Variants in NR5A2 observed in about 807,000 individuals in gnomAD.
NR5A2 encodes the protein nuclear receptor subfamily 5 group A member 2.
A neutral mutation model predicts 62.7 loss-of-function variants in NR5A2; 26 were observed. The observed-to-expected ratio is 0.41, with a 90% CI of 0.30 to 0.58. The LOEUF is 0.58. Ranked by LOEUF, NR5A2 falls within the 20% of genes least tolerant of loss-of-function variation. NR5A2 has a pLI of 0.22. For missense variants in NR5A2, 541 were observed against 669.1 expected, an observed-to-expected ratio of 0.81 and a Z score of 2.11; for synonymous variants, 246 against 241.7, an observed-to-expected ratio of 1.02 and a Z score of -0.16.
At chr1:200,062,150 A>C (rs142913154) in intron 5 of NR5A2, among the ~76,000 whole-genome samples, 132 of 152,208 alleles carry the variant, frequency 8.7e-4, no homozygotes, top group African/African-American at 3.1e-3. Flanking sequence ...TCATACAGGC[A>C]CACTCATATT....
At chr1:200,132,305 C>T (rs2001814) in intron 7 of NR5A2, among the ~76,000 whole-genome samples, 68,883 of 151,986 alleles carry the variant, frequency 0.45, 16,074 homozygotes, top group Middle Eastern at 0.56. Flanking sequence ...CCAATGTGCC[C>T]GGCAAGAACT....
chr1:200,073,252 ATATATATATTCCCCTT>A lies in NR5A2; in HGVS notation c.1110+24444_1110+24459del, dbSNP rs1348270983. ...TTTACATACATATATATATATATAT[ATATATATATTCCCCTT>A]TATATATATATATATATATATATTC... is the stretch of plus-strand genomic sequence containing the variant. On this transcript the variant is annotated intron_variant, in intron 5 of 7. Coordinates refer to ENST00000367362, the MANE Select transcript of NR5A2 (RefSeq NM_205860.3). Among the ~76,000 whole-genome samples, 29 of 117,236 alleles carry A rather than the reference ATATATATATTCCCCTT, an allele frequency of 2.5e-4. 1 individual carries two copies. Among genetic ancestry groups the A allele is most frequent in the African/African-American group, 3.3e-4 (9 of 27,650 alleles). 76.9% of individuals were successfully genotyped at this position (117,236 alleles called of 152,430 possible).
At chr1:200,171,636 C>T (rs1485483605) in intron 7 of NR5A2, among the ~76,000 whole-genome samples, 1 of 152,144 alleles carries the variant, frequency 6.6e-6, no homozygotes. Context: ...GTAACCCCAG[C>T]TACTCAGGTG....
chr1:200,042,679 C>A, intron 2 of NR5A2: 1 of 351,764 alleles, frequency 2.8e-6, no homozygotes, highest in Non-Finnish European at 4.0e-6. Context: ...CGGGGGAGTG[C>A]GGGCAGGGTC....
intron 7 of NR5A2, among the ~76,000 whole-genome samples, chr1:200,132,856 C>T (rs1157300534): frequency 2.6e-5 from 4 of 152,182 alleles, no homozygotes; most frequent in Non-Finnish European, 1.5e-5. Flanking sequence ...CCAAGTTACC[C>T]AGATTTTGGA....
chr1:200,154,188 A>G (rs1462205232), intron 7 of NR5A2, among the ~76,000 whole-genome samples: 1 of 152,066 alleles, frequency 6.6e-6, no homozygotes, highest in East Asian at 1.9e-4. Flanking sequence ...CAATATATGT[A>G]CCTTTCAGGG....
intron 7 of NR5A2, among the ~76,000 whole-genome samples, chr1:200,141,774 G>A (rs2102345825): frequency 6.6e-6 from 1 of 152,288 alleles, no homozygotes; most frequent in East Asian, 1.9e-4. Context: ...AGATAGTTTA[G>A]GTGAATATAA....
At chr1:200,104,863 A>C (rs1665569287) in intron 5 of NR5A2, among the ~76,000 whole-genome samples, 1 of 152,232 alleles carries the variant, frequency 6.6e-6, no homozygotes, top group African/African-American at 2.4e-5. Flanking sequence ...GAATTTCACC[A>C]TGTTGGCCAG....
chr1:200,091,781 C>A (rs1664829811), intron 5 of NR5A2, among the ~76,000 whole-genome samples: 1 of 152,182 alleles, frequency 6.6e-6, no homozygotes, highest in Non-Finnish European at 1.5e-5. Context: ...CTGCACCTGG[C>A]CCCCTTTGCC....
At chr1:200,164,549 C>CTTT (rs35458399) in intron 7 of NR5A2, among the ~76,000 whole-genome samples, 2,694 of 139,576 alleles carry the variant, frequency 0.019, 60 homozygotes, top group Middle Eastern at 0.047. Flanking sequence ...TTTTAATAGA[C>CTTT]TTTTTTTTTT....
chr1:200,044,085 G>T lies in NR5A2; in HGVS notation c.321+193G>T, dbSNP rs2102155821. The T allele has an allele frequency of 1.1e-5, 5 of 446,908 alleles. No individual in the cohort carries two copies. The South Asian group carries it at 2.6e-4, about 23-fold the overall frequency. 27.7% of individuals were successfully genotyped at this position (446,908 alleles called of 1,614,324 possible). On this transcript the variant is annotated intron_variant, in intron 3 of 7. Coordinates refer to ENST00000367362, the MANE Select transcript of NR5A2 (RefSeq NM_205860.3). The stretch of plus-strand genomic sequence containing the variant: ...TAGTTCAAAAGGCAAAGAAATTTAT[G>T]CTGTTTAGAAAACTTTGCCAGTCTC...
At chr1:200,136,693 C>T (rs963176571) in intron 7 of NR5A2, among the ~76,000 whole-genome samples, 1 of 152,160 alleles carries the variant, frequency 6.6e-6, no homozygotes, top group Admixed American at 6.5e-5. Flanking sequence ...GATCAGAAGG[C>T]ACTATACCAG....
intron 6 of NR5A2, among the ~76,000 whole-genome samples, chr1:200,119,861 G>A (rs897415791): frequency 1.3e-5 from 2 of 151,856 alleles, no homozygotes; most frequent in Admixed American, 6.6e-5. Flanking sequence ...CGCCCACCTC[G>A]GCCTCCCAAA....
chr1:200,083,799 T>C (rs534307683), intron 5 of NR5A2, among the ~76,000 whole-genome samples: 6 of 151,978 alleles, frequency 3.9e-5, no homozygotes, highest in East Asian at 1.9e-4. Flanking sequence ...AAACCCCGTC[T>C]CTACTAAAAT....
intron 7 of NR5A2, among the ~76,000 whole-genome samples, chr1:200,123,568 A>G (rs978178530): frequency 6.6e-6 from 1 of 152,148 alleles, no homozygotes; most frequent in East Asian, 1.9e-4. Context: ...AAGAAGAAGT[A>G]AGTGCCATGG....
intron 7 of NR5A2, among the ~76,000 whole-genome samples, chr1:200,166,867 G>T (rs889926541): frequency 6.6e-6 from 1 of 152,192 alleles, no homozygotes; most frequent in African/African-American, 2.4e-5. Flanking sequence ...GATTAAATGA[G>T]AAAACATATG....
chr1:200,053,900 T>G (rs1218793556), intron 5 of NR5A2, among the ~76,000 whole-genome samples: 1 of 152,226 alleles, frequency 6.6e-6, no homozygotes, highest in African/African-American at 2.4e-5. Context: ...GCGGATAGTT[T>G]ACTCTCCAGG....
At chr1:200,130,445 A>G (rs1219691511) in intron 7 of NR5A2, among the ~76,000 whole-genome samples, 1 of 152,186 alleles carries the variant, frequency 6.6e-6, no homozygotes, top group Non-Finnish European at 1.5e-5. Flanking sequence ...ACCATTTGCT[A>G]TATGGCAAAT....
At chr1:200,089,267 T>A (rs1267438653) in intron 5 of NR5A2, among the ~76,000 whole-genome samples, 1 of 152,172 alleles carries the variant, frequency 6.6e-6, no homozygotes, top group African/African-American at 2.4e-5. Flanking sequence ...CAGGCTGGAG[T>A]GCAGTGGCAC....
Sources: allele counts gnomAD v4.1 joint callset (sites outside exome capture counted in the v4.1 genomes callset), GRCh38; gene constraint gnomAD v4.1.1; transcripts MANE v1.5; gene names NCBI Gene and HGNC (gene_info 2026-07-23, HGNC 2026-07-21).